Variants in CDK13 observed in about 807,000 individuals in gnomAD.
CDK13 encodes cyclin-dependent kinase 13.
A neutral mutation model predicts 137.6 loss-of-function variants in CDK13; 40 were observed. That is an observed-to-expected ratio of 0.29 (90% CI 0.23 to 0.38). CDK13 has a LOEUF of 0.38. Among genes scored for constraint, CDK13 ranks in the 10% least tolerant of loss-of-function variants. The pLI is 1.00. For missense variants in CDK13, 1,704 were observed against 1,951.8 expected (o/e 0.87, Z 2.39); for synonymous variants, 869 against 760.1 (o/e 1.14, Z -2.36).
At position 40,039,434 on chromosome 7, in the gene CDK13, ATTTTTT is replaced by A. The variant is rs976319927; in HGVS notation, c.2354-6384_2354-6379del. ...AGGTGCCCACGACCATGCCCGGCTA[ATTTTTT>A]TTTTTTTTTTTTTTTTTGCGACAGA... On this transcript the variant is annotated intron_variant, in intron 5 of 13. Coordinates refer to ENST00000181839, the MANE Select transcript of CDK13 (RefSeq NM_003718.5). Among the ~76,000 whole-genome samples the A allele has an allele frequency of 6.2e-4, 53 of 84,996 alleles. 2 individuals carry two copies. Among genetic ancestry groups the A allele is most frequent in the African/African-American group, 2.8e-3 (50 of 17,988 alleles). 55.8% of individuals were successfully genotyped at this position (84,996 alleles called of 152,430 possible).
intron 1 of CDK13, among the ~76,000 whole-genome samples, chr7:39,971,630 C>CTGACGCCTGTAA (rs1554321103): frequency 6.6e-6 from 1 of 151,888 alleles, no homozygotes; most frequent in Non-Finnish European, 1.5e-5. Flanking sequence ...GGTGTGGTGG[C>CTGACGCCTGTAA]TCGCAGCACT....
intron 9 of CDK13, among the ~76,000 whole-genome samples, chr7:40,064,232 C>T (rs1313870909): frequency 2.8e-5 from 4 of 143,540 alleles, no homozygotes; most frequent in Non-Finnish European, 4.5e-5. Context: ...TGCTGTGAGC[C>T]GAGATTGTGC....
chr7:39,998,606 GC>G (rs1784614480), intron 3 of CDK13: 1 of 151,866 alleles, frequency 6.6e-6, no homozygotes, highest in Admixed American at 6.6e-5. Context: ...GGGCGACAAG[GC>G]AAGACCCTGT....
At chr7:40,021,122 T>TACACACAC (rs1304409836) in intron 5 of CDK13, among the ~76,000 whole-genome samples, 5 of 108,502 alleles carry the variant, frequency 4.6e-5, no homozygotes, top group Admixed American at 9.9e-5. Context: ...TATATATATA[T>TACACACAC]ACACACACAC....
intron 1 of CDK13, among the ~76,000 whole-genome samples, chr7:39,962,051 G>C (rs1783756729): frequency 6.6e-6 from 1 of 152,202 alleles, no homozygotes; most frequent in Non-Finnish European, 1.5e-5. Context: ...GGACATTTGG[G>C]TTGGTTCCAA....
intron 2 of CDK13, among the ~76,000 whole-genome samples, chr7:39,993,606 A>G (rs185284385): frequency 1.3e-5 from 2 of 152,198 alleles, no homozygotes; most frequent in East Asian, 3.9e-4. Context: ...CATACCATGG[A>G]TAATGTTTCT....
chr7:39,992,484 C>T (rs1399571508), intron 2 of CDK13, among the ~76,000 whole-genome samples: 1 of 152,026 alleles, frequency 6.6e-6, no homozygotes, highest in Non-Finnish European at 1.5e-5. Flanking sequence ...GCATGAGCCA[C>T]CGCTCCCAGC....
intron 1 of CDK13, among the ~76,000 whole-genome samples, chr7:39,974,681 AG>A (rs1213037137): frequency 1.3e-5 from 2 of 151,688 alleles, no homozygotes; most frequent in Non-Finnish European, 2.9e-5. Context: ...CTCCTGCCTC[AG>A]CCTCCTATGT....
Position 40,077,398 on chromosome 7 carries a change from ATGTTGGTTT to A in CDK13, c.2781-605_2781-597del, listed in dbSNP as rs557727256. Among the ~76,000 whole-genome samples, 1,182 of 152,244 alleles carry A rather than the reference ATGTTGGTTT, an allele frequency of 7.8e-3. 14 individuals carry two copies. The highest frequency in any genetic ancestry group is 0.027 in the African/African-American group (1,126 of 41,554). ...CTTAATTTATGGGCATAAATTTTTT[ATGTTGGTTT>A]TAAGGTGTAAGTCACATATTTTGAG... On this transcript the variant is annotated intron_variant, in intron 9 of 13. Coordinates refer to ENST00000181839, the MANE Select transcript of CDK13 (RefSeq NM_003718.5).
intron 5 of CDK13, among the ~76,000 whole-genome samples, chr7:40,002,762 T>C (rs750951207): frequency 5.3e-5 from 8 of 152,178 alleles, no homozygotes; most frequent in Non-Finnish European, 1.2e-4. Context: ...CAAAACTTTT[T>C]CTCAAACTAA....
chr7:40,045,327 C>A (rs962456845), intron 5 of CDK13, among the ~76,000 whole-genome samples: 1 of 151,730 alleles, frequency 6.6e-6, no homozygotes, highest in Non-Finnish European at 1.5e-5. Flanking sequence ...TATTGTTTTT[C>A]CTCAAATTCT....
chr7:39,958,437 TA>T (rs1410315819), intron 1 of CDK13, among the ~76,000 whole-genome samples: 1 of 152,312 alleles, frequency 6.6e-6, no homozygotes, highest in East Asian at 1.9e-4. Flanking sequence ...TATAAGAGAT[TA>T]AAAGGCCCCT....
chr7:39,968,202 GTTTCC>G (rs1783914760), intron 1 of CDK13, among the ~76,000 whole-genome samples: 1 of 152,120 alleles, frequency 6.6e-6, no homozygotes, highest in Non-Finnish European at 1.5e-5. Flanking sequence ...TTACTTCATT[GTTTCC>G]TTTGCTTTGC....
At chr7:39,984,035 A>G (rs1222671118) in intron 1 of CDK13, 5 of 152,204 alleles carry the variant, frequency 3.3e-5, no homozygotes, top group Non-Finnish European at 7.3e-5. Context: ...GTTTGAGTTT[A>G]TCCTAAACCT....
At chr7:40,004,001 T>C (rs1784747696) in intron 5 of CDK13, among the ~76,000 whole-genome samples, 2 of 152,240 alleles carry the variant, frequency 1.3e-5, no homozygotes, top group Admixed American at 6.5e-5. Context: ...GTTACTTGTT[T>C]CTGTACAGAT....
intron 9 of CDK13, among the ~76,000 whole-genome samples, chr7:40,066,249 C>T (rs535695805): frequency 6.6e-6 from 1 of 152,204 alleles, no homozygotes; most frequent in African/African-American, 2.4e-5. Context: ...TAAATTATTA[C>T]ACATCTTTTA....
intron 5 of CDK13, among the ~76,000 whole-genome samples, chr7:40,041,503 A>G (rs758085794): frequency 6.6e-6 from 1 of 152,052 alleles, no homozygotes; most frequent in Admixed American, 6.6e-5. Context: ...TTTTCTATAT[A>G]CTTTTAATAA....
chr7:39,964,812 TG>T (rs1783831119), intron 1 of CDK13, among the ~76,000 whole-genome samples: 1 of 152,216 alleles, frequency 6.6e-6, no homozygotes, highest in Non-Finnish European at 1.5e-5. Flanking sequence ...CCAGAGATTC[TG>T]GTATGTTGTG....
At chr7:40,027,160 A>G (rs1457316413) in intron 5 of CDK13, among the ~76,000 whole-genome samples, 1 of 152,190 alleles carries the variant, frequency 6.6e-6, no homozygotes. Context: ...CCTGGCCACC[A>G]TGGTGAAACC....
Sources: allele counts gnomAD v4.1 joint callset (sites outside exome capture counted in the v4.1 genomes callset), GRCh38; gene constraint gnomAD v4.1.1; transcripts MANE v1.5; gene names NCBI Gene and HGNC (gene_info 2026-07-23, HGNC 2026-07-21).